USP25: variants seen among roughly 807,000 people sequenced by gnomAD.
The protein encoded by USP25 is ubiquitin carboxyl-terminal hydrolase 25.
USP25 carries 85 observed loss-of-function variants against 158.5 expected under a neutral mutation model. The ratio of observed to expected loss-of-function variants is 0.54; its 90% CI spans 0.45 to 0.64. The LOEUF is 0.64. USP25 is among the 30% of genes least tolerant of loss of function. The pLI is 0.00. For synonymous variants in USP25, 464 were observed against 460.4 expected, an observed-to-expected ratio of 1.01 and a Z score of -0.10; for missense variants, 1,242 against 1,327.3, an observed-to-expected ratio of 0.94 and a Z score of 1.00.
chr21:15,827,204 G>C lies in USP25; in HGVS notation c.1693+1G>C. 2 of 1,612,498 alleles carry C rather than the reference G, an allele frequency of 1.2e-6. No individual in the cohort carries two copies. The highest frequency in any genetic ancestry group is 1.7e-6 in the Non-Finnish European group (2 of 1,178,640). ...ACAGAAATAGAAAATGACACCAGAG[G>C]TAAGAAGTGTCTCATAGCATGGTTA... On this transcript the variant is annotated splice_donor_variant, in intron 14 of 25. Transcript: ENST00000400183. LOFTEE classifies it high-confidence loss of function.
chr21:15,868,726 A>T (rs899966840), intron 22 of USP25, among the ~76,000 whole-genome samples: 9 of 152,182 alleles, frequency 5.9e-5, no homozygotes, highest in African/African-American at 2.2e-4. Flanking sequence ...CACTGCAGTT[A>T]CAGAGTTGAG....
In USP25 at chr21:15,833,380, G is replaced by A; in HGVS notation, c.2026G>A (p.Val676Ile). The change falls in exon 17 of 26, where the codon GTT becomes ATT. Residue 676 changes from valine (V) to isoleucine (I), a missense_variant. Around this residue, in one of 3 missense-constraint regions of USP25, gnomAD observed 608 missense variants for 605.2 expected, o/e 1.00. Coordinates refer to ENST00000400183, the MANE Select transcript of USP25 (RefSeq NM_001283041.3). ...EFNKETGQPL[V>I]GIETLPPDLR... Reference sequence around the variant, plus strand: ...TAATAAAGAAACTGGGCAGCCCCTTGTTGGTATAGAAACATTACCACCGGA... The same window carrying A: ...TAATAAAGAAACTGGGCAGCCCCTTATTGGTATAGAAACATTACCACCGGA... 1 of 1,613,772 alleles carries A rather than the reference G, an allele frequency of 6.2e-7. No individual in the cohort carries two copies. Among genetic ancestry groups the A allele is most frequent in the Non-Finnish European group, 8.5e-7 (1 of 1,179,852 alleles).
intron 1 of USP25, among the ~76,000 whole-genome samples, chr21:15,739,518 G>T (rs2031841715): frequency 6.6e-6 from 1 of 152,032 alleles, no homozygotes; most frequent in Non-Finnish European, 1.5e-5. Flanking sequence ...TAGGAACTGT[G>T]AAGTCAGGCA....
At chr21:15,878,276 G>A (rs1017736504) in intron 25 of USP25, 27 bp from the exon 26 acceptor site, 6 of 1,594,048 alleles carry the variant, frequency 3.8e-6, no homozygotes, top group South Asian at 2.3e-5. Context: ...TCTATCTTTA[G>A]TTAGATTTAA....
intron 19 of USP25, among the ~76,000 whole-genome samples, chr21:15,848,799 G>T (rs1012328335): frequency 6.6e-6 from 1 of 152,074 alleles, no homozygotes; most frequent in African/African-American, 2.4e-5. Context: ...GTTTTCTCAA[G>T]CAGGTGTTAG....
At chr21:15,863,415 C>T (rs957902627) in intron 20 of USP25, among the ~76,000 whole-genome samples, 3 of 152,082 alleles carry the variant, frequency 2.0e-5, no homozygotes, top group East Asian at 1.9e-4. Context: ...ATTATAACCC[C>T]GGGGCTTGAT....
chr21:15,819,233 C>T (rs1311926120), intron 10 of USP25, among the ~76,000 whole-genome samples: 4 of 152,170 alleles, frequency 2.6e-5, no homozygotes, highest in African/African-American at 4.8e-5. Context: ...AATTTGTCCA[C>T]GATGCCCAGA....
chr21:15,835,213 T>C (rs1259447937), intron 17 of USP25, among the ~76,000 whole-genome samples: 1 of 152,154 alleles, frequency 6.6e-6, no homozygotes, highest in Non-Finnish European at 1.5e-5. Flanking sequence ...AATCCTCCAT[T>C]CATTGGTTAA....
chr21:15,758,481 C>G (rs1046501214), intron 1 of USP25, among the ~76,000 whole-genome samples: 1 of 152,172 alleles, frequency 6.6e-6, no homozygotes, highest in African/African-American at 2.4e-5. Flanking sequence ...AAGATGCTCT[C>G]TTGCCTGCCA....
At chr21:15,878,205 T>C in intron 25 of USP25, 98 bp from the exon 26 acceptor site, 1 of 1,455,038 alleles carries the variant, frequency 6.9e-7, no homozygotes. Flanking sequence ...ATGGCAATTA[T>C]CTTACCTATT....
intron 5 of USP25, among the ~76,000 whole-genome samples, chr21:15,796,935 C>T (rs1031830317): frequency 3.3e-5 from 5 of 151,138 alleles, no homozygotes; most frequent in East Asian, 1.9e-4. Context: ...AGCAAGATTG[C>T]GAGTCTGAAG....
chr21:15,730,483 C>A (rs751803706), intron 1 of USP25, 45 bp downstream of exon 1: 1 of 1,316,124 alleles, frequency 7.6e-7, no homozygotes, highest in Non-Finnish European at 9.7e-7. Context: ...CTCCTTCCGA[C>A]GGGCTGTCCT....
intron 18 of USP25, 115 bp downstream of exon 18, chr21:15,842,655 GCCATGGGCATGATCAGTGA>G (rs972549086): frequency 1.1e-5 from 15 of 1,323,338 alleles, no homozygotes; most frequent in Non-Finnish European, 1.5e-5. Flanking sequence ...TGATGGCTCT[GCCATGGGCATGATCAGTGA>G]CCATGGGCAA....
intron 23 of USP25, among the ~76,000 whole-genome samples, chr21:15,871,560 G>A (rs971253036): frequency 6.6e-6 from 1 of 152,056 alleles, no homozygotes; most frequent in Non-Finnish European, 1.5e-5. Flanking sequence ...AATCATGTAA[G>A]TACAAAATGT....
At chr21:15,842,168 C>T (rs985306241) in intron 17 of USP25, among the ~76,000 whole-genome samples, 1 of 152,126 alleles carries the variant, frequency 6.6e-6, no homozygotes, top group African/African-American at 2.4e-5. Context: ...TTACCATAAA[C>T]TATAATGAGA....
Position 15,826,123 on chromosome 21 carries a change from T to A in USP25, c.1305-81T>A, listed in dbSNP as rs2037488761. On this transcript the variant is annotated intron_variant, in intron 12 of 25. Coordinates refer to ENST00000400183, the MANE Select transcript of USP25 (RefSeq NM_001283041.3). The surrounding 1 kb of genome is among the most constrained non-coding windows in gnomAD (Gnocchi z 4.8). ...CTGAGGAAGTTTTATTGAAGTATCG[T>A]ATCACGTTTTATAATAATAATAAAG... The A allele has an allele frequency of 7.2e-7, 1 of 1,386,690 alleles. No homozygotes were observed. The allele number at this position is 1,386,690 out of a possible 1,614,324, so 85.9% of individuals were successfully genotyped here. A position where few individuals can be genotyped will look rare whatever the true frequency, so the allele number is the denominator to read the frequency against.
intron 1 of USP25, among the ~76,000 whole-genome samples, chr21:15,742,368 A>G (rs990989893): frequency 3.3e-5 from 5 of 152,214 alleles, no homozygotes; most frequent in African/African-American, 9.6e-5. Context: ...ATTAGTGGCC[A>G]GGGCTTGTTA....
chr21:15,857,666 G>A (rs2039221064), intron 20 of USP25, among the ~76,000 whole-genome samples: 1 of 151,772 alleles, frequency 6.6e-6, no homozygotes, highest in Non-Finnish European at 1.5e-5. Context: ...ATATTTTGTG[G>A]TTTATAATTT....
intron 1 of USP25, among the ~76,000 whole-genome samples, chr21:15,753,241 T>A (rs1049619370): frequency 6.6e-6 from 1 of 152,192 alleles, no homozygotes; most frequent in African/African-American, 2.4e-5. Flanking sequence ...CCCAGGGTGC[T>A]GACTTTAGCA....
Sources: allele counts gnomAD v4.1 joint callset (sites outside exome capture counted in the v4.1 genomes callset), GRCh38; gene constraint gnomAD v4.1.1; regional missense constraint gnomAD v4.1.1; non-coding constraint Gnocchi (gnomAD v3.1); transcripts MANE v1.5; gene names NCBI Gene and HGNC (gene_info 2026-07-23, HGNC 2026-07-21).